The following ARHGEF28 variants were observed in gnomAD, a reference collection of about 807,000 sequenced individuals.
ARHGEF28 encodes Rho guanine nucleotide exchange factor 28, also known as 190 kDa guanine nucleotide exchange factor.
Under a neutral mutation model 206.6 loss-of-function variants are expected in ARHGEF28, and 152 were observed. The ratio of observed to expected loss-of-function variants is 0.74; its 90% CI spans 0.64 to 0.84. The LOEUF is 0.84. Among genes scored for constraint, ARHGEF28 ranks in the 40% least tolerant of loss-of-function variants. The probability of loss-of-function intolerance (pLI) is 0.00; values close to 1 mark genes in which losing one functional copy is unlikely to be tolerated. For missense variants in ARHGEF28, 2,028 were observed against 2,073.2 expected (o/e 0.98, Z 0.42); for synonymous variants, 763 against 776.4 (o/e 0.98, Z 0.29).
intron 16 of ARHGEF28, among the ~76,000 whole-genome samples, chr5:73,859,383 C>A (rs1363740822): frequency 6.6e-6 from 1 of 152,190 alleles, no homozygotes; most frequent in South Asian, 2.1e-4. Flanking sequence ...ACAAAGGGAA[C>A]AGAGGAGCAG....
At chr5:73,927,979 A>G (rs1004628995) in intron 35 of ARHGEF28, among the ~76,000 whole-genome samples, 2 of 152,212 alleles carry the variant, frequency 1.3e-5, no homozygotes, top group Non-Finnish European at 2.9e-5. Context: ...AGCAGATGTC[A>G]TTTCAAACAA....
At chr5:73,778,469 T>A (rs1011968755) in intron 6 of ARHGEF28, among the ~76,000 whole-genome samples, 18 of 152,310 alleles carry the variant, frequency 1.2e-4, no homozygotes, top group Admixed American at 9.8e-4. Context: ...GAGATGGCTC[T>A]CCAGTTTCTA....
chr5:73,720,149 A>G (rs965830940), intron 2 of ARHGEF28, among the ~76,000 whole-genome samples: 3 of 152,254 alleles, frequency 2.0e-5, no homozygotes, highest in South Asian at 2.1e-4. Flanking sequence ...AGTATTAGTT[A>G]TAAATATTTA....
intron 35 of ARHGEF28, among the ~76,000 whole-genome samples, chr5:73,939,681 C>G (rs544186586): frequency 3.9e-4 from 59 of 152,326 alleles, no homozygotes; most frequent in African/African-American, 1.4e-3. Flanking sequence ...AAAGATGGAG[C>G]CTTCTGGGAA....
At chr5:73,758,410 G>A (rs757641569) in intron 4 of ARHGEF28, among the ~76,000 whole-genome samples, 78 of 152,274 alleles carry the variant, frequency 5.1e-4, no homozygotes, top group Middle Eastern at 3.4e-3. Context: ...TTTCAAAAAC[G>A]AACTTGGACT....
chr5:73,735,207 T>C (rs1750844225), intron 2 of ARHGEF28, among the ~76,000 whole-genome samples: 1 of 151,324 alleles, frequency 6.6e-6, no homozygotes, highest in East Asian at 1.9e-4. Flanking sequence ...ATTAATAAAT[T>C]AATACATTTA....
In ARHGEF28 at chr5:73,644,247, A is replaced by G. The variant is rs1310654786; in HGVS notation, c.-12+17925A>G. ...TGATGTATTATCTGCACAGTTAGTG[A>G]GAGTCTGTCTTATAGACAAGCATTT... On this transcript the variant is annotated intron_variant, in intron 1 of 35. Transcript: ENST00000513042. Among the ~76,000 whole-genome samples, 8 of 152,100 alleles carry G rather than the reference A, an allele frequency of 5.3e-5. No individual in the cohort carries two copies. The East Asian group carries it at 1.5e-3, about 29-fold the overall frequency.
chr5:73,713,321 T>G (rs1239331646), intron 2 of ARHGEF28, among the ~76,000 whole-genome samples: 1 of 152,216 alleles, frequency 6.6e-6, no homozygotes, highest in African/African-American at 2.4e-5. Context: ...TTCAACATTC[T>G]TATTTGTTTT....
At chr5:73,911,821 A>G in intron 35 of ARHGEF28, 1 of 437,274 alleles carries the variant, frequency 2.3e-6, no homozygotes, top group Non-Finnish European at 4.1e-6. Context: ...TGTGAGAACC[A>G]GACAGGATTT....
At chr5:73,784,188 T>C (rs1459027602) in intron 7 of ARHGEF28, among the ~76,000 whole-genome samples, 2 of 151,986 alleles carry the variant, frequency 1.3e-5, no homozygotes, top group Non-Finnish European at 2.9e-5. Context: ...TAGAAGATTC[T>C]TAGTAGATTA....
chr5:73,670,312 G>A (rs186721941), intron 1 of ARHGEF28, among the ~76,000 whole-genome samples: 5 of 152,088 alleles, frequency 3.3e-5, no homozygotes, highest in Non-Finnish European at 5.9e-5. Context: ...CCATGTTCTC[G>A]TATGTATCAA....
chr5:73,661,133 A>T (rs1745574978), intron 1 of ARHGEF28, among the ~76,000 whole-genome samples: 1 of 152,226 alleles, frequency 6.6e-6, no homozygotes. Flanking sequence ...TTCATCAATG[A>T]TCTTAGCCAG....
intron 4 of ARHGEF28, among the ~76,000 whole-genome samples, chr5:73,754,451 C>T (rs1032328560): frequency 6.6e-6 from 1 of 152,048 alleles, no homozygotes; most frequent in African/African-American, 2.4e-5. Context: ...ATGGCGTGGG[C>T]TCCCTGAGGG....
chr5:73,742,954 TG>T (rs1414131357), intron 2 of ARHGEF28, among the ~76,000 whole-genome samples: 1 of 152,162 alleles, frequency 6.6e-6, no homozygotes, highest in Non-Finnish European at 1.5e-5. Flanking sequence ...TTAAACTCCG[TG>T]ACATTATAAT....
At chr5:73,882,447 C>T (rs994227480) in intron 22 of ARHGEF28, 25 bp from the exon 23 acceptor site, 21 of 1,362,472 alleles carry the variant, frequency 1.5e-5, no homozygotes, top group Non-Finnish European at 2.1e-5. Context: ...ATTTACAAAC[C>T]ATTATTTAAA....
chr5:73,794,458 A>T lies in ARHGEF28; in HGVS notation c.963+4A>T, dbSNP rs1237352221. 2 of 1,592,602 alleles carry T rather than the reference A, an allele frequency of 1.3e-6. No individual in the cohort carries two copies. The highest frequency in any genetic ancestry group is 1.7e-5 in the Admixed American group (1 of 58,376). On this transcript the variant is annotated splice_donor_region_variant and intron_variant, in intron 8 of 35. Coordinates refer to ENST00000513042, the MANE Select transcript of ARHGEF28 (RefSeq NM_001177693.2). ...AGCTGAAAAGGAAGATATAAAGGTAATGAATGACTCCCTGCTTCTTTCTTT... is the reference window on the plus strand; with the variant it reads ...AGCTGAAAAGGAAGATATAAAGGTATTGAATGACTCCCTGCTTCTTTCTTT...
chr5:73,750,091 C>T lies in ARHGEF28; in HGVS notation c.181+107C>T. 2.2e-6 allele frequency: 3 copies of T among 1,369,328 alleles called. No homozygotes were observed. In the South Asian group the frequency reaches 4.1e-5, roughly 18 times the overall value. The allele number at this position is 1,369,328 out of a possible 1,614,324, so 84.8% of individuals were successfully genotyped here. A position where few individuals can be genotyped will look rare whatever the true frequency, so the allele number is the denominator to read the frequency against. ...CAGGAAGAAAAAGAAAACAGTGCTG[C>T]AAGGTCAGGAGTGTGTGCGTGCCTG... On this transcript the variant is annotated intron_variant, in intron 3 of 35. Transcript: ENST00000513042.
At chr5:73,877,150 A>G (rs11956784) in intron 22 of ARHGEF28, among the ~76,000 whole-genome samples, 80,158 of 131,220 alleles carry the variant, frequency 0.61, 26,296 homozygotes, top group African/African-American at 0.82. Flanking sequence ...TTAGTCTTGG[A>G]AGAGTGTATG....
At chr5:73,684,762 T>C in intron 1 of ARHGEF28, 79 bp from the exon 2 acceptor site, 3 of 1,272,086 alleles carry the variant, frequency 2.4e-6, no homozygotes, top group African/African-American at 3.0e-5. Context: ...CTCCACAATA[T>C]TGATAACTGG....
Sources: gnomAD v4.1 joint callset for allele counts (sites outside exome capture counted in the v4.1 genomes callset) on GRCh38, gnomAD v4.1.1 for gene constraint, MANE v1.5 for transcripts, NCBI Gene and HGNC (gene_info 2026-07-23, HGNC 2026-07-21) for gene names.